GLP1R: variants seen among roughly 807,000 people sequenced by gnomAD.
GLP1R encodes the protein glucagon like peptide 1 receptor, also known as glucagon-like peptide 1 receptor.
GLP1R carries 32 observed loss-of-function variants against 68.4 expected under a neutral mutation model. The ratio of observed to expected loss-of-function variants is 0.47; its 90% CI spans 0.35 to 0.63. The LOEUF (loss-of-function observed/expected upper bound fraction) is 0.63. Among genes scored for constraint, GLP1R ranks in the 20% least tolerant of loss-of-function variants. The pLI is 0.00. For synonymous variants in GLP1R, 263 were observed against 244.4 expected (o/e 1.08, Z -0.71); for missense variants, 502 against 594.9 (o/e 0.84, Z 1.62).
intron 3 of GLP1R, among the ~76,000 whole-genome samples, chr6:39,058,080 G>A (rs1320546100): frequency 1.3e-5 from 2 of 152,208 alleles, no homozygotes; most frequent in African/African-American, 4.8e-5. Context: ...TACCACCTGG[G>A]TCTGGGCGTG....
In GLP1R at chr6:39,091,220, T is replaced by C. The variant is rs1769269264; in HGVS notation, c.*5147T>C. Among the ~76,000 whole-genome samples, 1 of 152,232 alleles carries C rather than the reference T, an allele frequency of 6.6e-6. No individual in the cohort carries two copies. The highest frequency in any genetic ancestry group is 2.1e-4 in the South Asian group (1 of 4,834). On this transcript the variant is annotated 3_prime_UTR_variant, in exon 13 of 13. Coordinates refer to ENST00000373256, the MANE Select transcript of GLP1R (RefSeq NM_002062.5). ...CTATAGGTAGCGAATGTGTAGGTCA[T>C]ATAATTCCTTGTACAGATGTGAATG...
rs138965775 is a variant in GLP1R at position 39,072,977 on chromosome 6, G to T, written c.625G>T (p.Ala209Ser). The change falls in exon 6 of 13, where the codon GCC (alanine) becomes TCC (serine). Residue 209 changes from alanine (A) to serine (S), a missense_variant. By Grantham distance (99) the Ala-to-Ser change is moderately conservative (BLOSUM62 1). Transcript: ENST00000373256. ...AALKWMYSTA[A>S]QQHQWDGLLS... ...CCTGAAGTGGATGTATAGCACAGCC[G>T]CCCAGCAGCACCAGTGGGATGGGCT... 1 of 1,614,062 alleles carries T rather than the reference G, an allele frequency of 6.2e-7. No homozygotes were observed. Among genetic ancestry groups the T allele is most frequent in the Non-Finnish European group, 8.5e-7 (1 of 1,179,948 alleles).
intron 5 of GLP1R, among the ~76,000 whole-genome samples, chr6:39,066,688 A>G (rs539340151): frequency 6.6e-6 from 1 of 152,316 alleles, no homozygotes; most frequent in Non-Finnish European, 1.5e-5. Context: ...GGGATTAGAG[A>G]TCTTCCTCCC....
rs1351437479 is a variant in GLP1R at position 39,066,280 on chromosome 6, C to G, written c.486C>G (p.Ala162=). ...YALSFSALVI[A]SAILLGFRHL... Reference sequence around the variant, plus strand: ...TCTCCTTCTCTGCTCTGGTTATCGCCTCTGCGATCCTCCTCGGCTTCAGGT... The same window carrying G: ...TCTCCTTCTCTGCTCTGGTTATCGCGTCTGCGATCCTCCTCGGCTTCAGGT... The change falls in exon 5 of 13, where the codon GCC becomes GCG. Residue 162 remains alanine, a synonymous_variant. Coordinates refer to ENST00000373256, the MANE Select transcript of GLP1R (RefSeq NM_002062.5). 1 of 1,607,724 alleles carries G rather than the reference C, an allele frequency of 6.2e-7. No homozygotes were observed. Among genetic ancestry groups the G allele is most frequent in the Non-Finnish European group, 8.5e-7 (1 of 1,174,206 alleles).
chr6:39,073,465 T>C, intron 6 of GLP1R, 145 bp from the exon 7 acceptor site: 1 of 680,952 alleles, frequency 1.5e-6, no homozygotes, highest in Non-Finnish European at 2.5e-6. Context: ...GATAAAGTCC[T>C]TAGCACTAGC....
At chr6:39,077,969 G>A (rs145153607) in intron 7 of GLP1R, among the ~76,000 whole-genome samples, 53 of 152,286 alleles carry the variant, frequency 3.5e-4, no homozygotes, top group African/African-American at 1.2e-3. Context: ...TGCCTCATCC[G>A]TCATGCTGTC....
rs756519796 is a variant in GLP1R at position 39,073,714 on chromosome 6, C to A, written c.768C>A (p.Ala256=). The change falls in exon 7 of 13, where the codon GCC becomes GCA. Residue 256 remains alanine (A), a synonymous_variant. Coordinates refer to ENST00000373256, the MANE Select transcript of GLP1R (RefSeq NM_002062.5). ...GCGTGTACCTGTACACACTGCTGGC[C>A]TTCTCGGTCTTATCTGAGCAATGGA... The part of the protein sequence containing the change: ...VEGVYLYTLL[A]FSVLSEQWIF... 1 of 1,613,850 alleles carries A rather than the reference C, an allele frequency of 6.2e-7. No homozygotes were observed. Among genetic ancestry groups the A allele is most frequent in the South Asian group, 1.1e-5 (1 of 91,084 alleles).
chr6:39,086,129 G>T lies in GLP1R; in HGVS notation c.*56G>T, dbSNP rs558748155. ...TGCTGCAGGCCGGGTGGCCAATCCA[G>T]GTGGGAGAGACACTCCCAGGGACAA... On this transcript the variant is annotated 3_prime_UTR_variant, in exon 13 of 13. Transcript: ENST00000373256. This position sits in a 1 kb window ranked among gnomAD's most constrained non-coding sequence, Gnocchi z 4.5. 2.1e-6 allele frequency: 3 copies of T among 1,454,892 alleles called. No homozygotes were observed. The highest frequency in any genetic ancestry group is 1.7e-5 in the Admixed American group (1 of 58,452). The allele number at this position is 1,454,892 out of a possible 1,614,324, so 90.1% of individuals were successfully genotyped here.
In GLP1R at chr6:39,089,302, CTCTATGTGTTTGAAAAGTTGT is replaced by C. The variant is rs1298710169; in HGVS notation, c.*3230_*3250del. Among the ~76,000 whole-genome samples, 1 of 152,140 alleles carries C rather than the reference CTCTATGTGTTTGAAAAGTTGT, an allele frequency of 6.6e-6. No homozygotes were observed. Among genetic ancestry groups the C allele is most frequent in the Non-Finnish European group, 1.5e-5 (1 of 68,036 alleles). On this transcript the variant is annotated 3_prime_UTR_variant, in exon 13 of 13. Coordinates refer to ENST00000373256, the MANE Select transcript of GLP1R (RefSeq NM_002062.5). The surrounding 1 kb of genome is among the most constrained non-coding windows in gnomAD (Gnocchi z 4.1). ...GGCTTAATTTTTTTTTCTGATGCCT[CTCTATGTGTTTGAAAAGTTGT>C]ATTGATAGTCACACAGAGTGTACTA...
rs772055021 is a variant in GLP1R, at chr6:39,078,976, A to T, written c.904A>T (p.Asn302Tyr). The T allele has an allele frequency of 1.9e-6, 3 of 1,613,988 alleles. No homozygotes were observed. The highest frequency in any genetic ancestry group is 2.7e-5 in the African/African-American group (2 of 74,912). ...EDEGCWTRNS[N>Y]MNYWLIIRLP... ...CCCCAGCTGCTGGACCAGGAACTCCAACATGAACTACTGGCTCATTATCCG... is the reference window on the plus strand; with the variant it reads ...CCCCAGCTGCTGGACCAGGAACTCCTACATGAACTACTGGCTCATTATCCG... The change falls in exon 9 of 13, where the codon AAC becomes TAC. Residue 302 changes from asparagine to tyrosine, a missense_variant. Physicochemically the swap from Asn to Tyr is moderately radical, Grantham distance 143. Coordinates refer to ENST00000373256, the MANE Select transcript of GLP1R (RefSeq NM_002062.5).
At chr6:39,059,269 G>A (rs1190737655) in intron 3 of GLP1R, among the ~76,000 whole-genome samples, 3 of 152,234 alleles carry the variant, frequency 2.0e-5, no homozygotes, top group African/African-American at 7.2e-5. Flanking sequence ...ATTTTCAGAT[G>A]GGGAAACTAA....
intron 12 of GLP1R, among the ~76,000 whole-genome samples, chr6:39,084,645 T>A (rs2150839573): frequency 6.6e-6 from 1 of 152,288 alleles, no homozygotes; most frequent in South Asian, 2.1e-4. Context: ...ACAGGGTGGC[T>A]GTAGGTGGTG....
intron 3 of GLP1R, among the ~76,000 whole-genome samples, chr6:39,058,622 G>A (rs1263641560): frequency 1.5e-5 from 2 of 135,000 alleles, no homozygotes; most frequent in Non-Finnish European, 3.5e-5. Context: ...GTCTCCATAA[G>A]GGGAGAAAAG....
chr6:39,065,811 G>A lies in GLP1R; in HGVS notation c.384G>A (p.Glu128=), dbSNP rs1187497940. 1.9e-6 allele frequency: 3 copies of A among 1,603,828 alleles called. No homozygotes were observed. Among genetic ancestry groups the A allele is most frequent in the Admixed American group, 3.4e-5 (2 of 59,212 alleles). ...LPWRDLSECE[E]SKRGERSSPE... ...GGAGGGACTTGTCGGAGTGCGAGGAGTCCAAGCGAGGGGAAAGAGTGAGTT... is the reference window on the plus strand; with the variant it reads ...GGAGGGACTTGTCGGAGTGCGAGGAATCCAAGCGAGGGGAAAGAGTGAGTT... The change falls in exon 4 of 13, where the codon GAG becomes GAA. Residue 128 remains glutamate (E), a synonymous_variant. Coordinates refer to ENST00000373256, the MANE Select transcript of GLP1R (RefSeq NM_002062.5).
chr6:39,078,819 G>T, intron 8 of GLP1R, 138 bp from the exon 9 acceptor site: 1 of 742,954 alleles, frequency 1.3e-6, no homozygotes, highest in Non-Finnish European at 2.4e-6. Flanking sequence ...CCATGGGACT[G>T]GTTTTTGGGT....
chr6:39,064,764 C>A lies in GLP1R; in HGVS notation c.284-947C>A, dbSNP rs560893288. Among the ~76,000 whole-genome samples the A allele has an allele frequency of 3.9e-5, 6 of 152,350 alleles. No individual in the cohort carries two copies. The East Asian group carries it at 1.2e-3, about 29-fold the overall frequency. On this transcript the variant is annotated intron_variant, in intron 3 of 12. Transcript: ENST00000373256. ...CTGCTGGGATGTGAATGGGCACAGG[C>A]AATGCCCCGCCTTGCCTCTGCAGGG...
At position 39,066,319 on chromosome 6, in the gene GLP1R, C is replaced by G. The variant is rs10305457; in HGVS notation, c.509+16C>G. ...TCGGCTTCAGGTAAGGTGGCCCGGA[C>G]CCTGGGAGGGGGCTGCTTCATCCTA... is the stretch of plus-strand genomic sequence containing the variant. On this transcript the variant is annotated intron_variant, in intron 5 of 12. Transcript: ENST00000373256. 5 of 1,452,636 alleles carry G rather than the reference C, an allele frequency of 3.4e-6. No individual in the cohort carries two copies. The highest frequency in any genetic ancestry group is 4.8e-6 in the Non-Finnish European group (5 of 1,033,506). 90.0% of individuals were successfully genotyped at this position (1,452,636 alleles called of 1,614,324 possible).
Position 39,065,822 on chromosome 6 carries a change from G to C in GLP1R, c.395G>C (p.Gly132Ala), listed in dbSNP as rs758868498. The change falls in exon 4 of 13, where the codon GGG (glycine) becomes GCG (alanine). Residue 132 changes from glycine (G) to alanine (A), a missense_variant. Transcript: ENST00000373256. The part of the protein sequence containing the change: ...DLSECEESKR[G>A]ERSSPEEQLL... ...TCGGAGTGCGAGGAGTCCAAGCGAGGGGAAAGAGTGAGTTGAGGCGGGGTT... is the reference window on the plus strand; with the variant it reads ...TCGGAGTGCGAGGAGTCCAAGCGAGCGGAAAGAGTGAGTTGAGGCGGGGTT... The C allele has an allele frequency of 2.5e-5, 40 of 1,590,970 alleles. No individual in the cohort carries two copies. In the South Asian group the frequency reaches 4.4e-4, roughly 17 times the overall value.
Position 39,079,820 on chromosome 6 carries a change from C to T in GLP1R, c.1182+118C>T. On this transcript the variant is annotated intron_variant, in intron 11 of 12. Coordinates refer to ENST00000373256, the MANE Select transcript of GLP1R (RefSeq NM_002062.5). This position sits in a 1 kb window ranked among gnomAD's most constrained non-coding sequence, Gnocchi z 4.5. Reference sequence around the variant, plus strand: ...AGACTGGGACCTGGAGGGGTGATCCCTGCCCAAAGTCACCTAGTTGGAGCA... The same window carrying T: ...AGACTGGGACCTGGAGGGGTGATCCTTGCCCAAAGTCACCTAGTTGGAGCA... 2.2e-6 allele frequency: 2 copies of T among 890,554 alleles called. No individual in the cohort carries two copies. Among genetic ancestry groups the T allele is most frequent in the Non-Finnish European group, 3.5e-6 (2 of 571,784 alleles). The allele number at this position is 890,554 out of a possible 1,614,324, so 55.2% of individuals were successfully genotyped here. A position where few individuals can be genotyped will look rare whatever the true frequency, so the allele number is the denominator to read the frequency against.
Sources: gnomAD v4.1 joint callset for allele counts (sites outside exome capture counted in the v4.1 genomes callset) on GRCh38, gnomAD v4.1.1 for gene constraint, Gnocchi (gnomAD v3.1) non-coding constraint, MANE v1.5 for transcripts, NCBI Gene and HGNC (gene_info 2026-07-23, HGNC 2026-07-21) for gene names.